SUGP2: variants seen among roughly 807,000 people sequenced by gnomAD.
SUGP2 encodes the protein SURP and G-patch domain containing 2, also known as SURP and G-patch domain-containing protein 2.
SUGP2 carries 24 observed loss-of-function variants against 90.5 expected under a neutral mutation model. That is an observed-to-expected ratio of 0.27 (90% CI 0.19 to 0.37). The LOEUF (loss-of-function observed/expected upper bound fraction) is 0.37. SUGP2 is among the 10% of genes least tolerant of loss of function. The pLI, the probability that SUGP2 is intolerant of heterozygous loss-of-function variation, is 1.00. For missense variants in SUGP2, 1,233 were observed against 1,363.3 expected, an observed-to-expected ratio of 0.90 and a Z score of 1.51; for synonymous variants, 473 against 513.4, an observed-to-expected ratio of 0.92 and a Z score of 1.06.
chr19:19,010,248 G>A lies in SUGP2; in HGVS notation c.1945C>T (p.Gln649Ter). 6.2e-7 allele frequency: 1 copy of A among 1,614,110 alleles called. No homozygotes were observed. ...GCACAGTCTGCTGAGGTCGGCTTCTGGTCGGCTCCTCGCAAGTTCTCGCTC... is the reference window on the plus strand; with the variant it reads ...GCACAGTCTGCTGAGGTCGGCTTCTAGTCGGCTCCTCGCAAGTTCTCGCTC... ...RMSENLRGAD[Q>*]KPTSADCAVR... The change falls in exon 5 of 11, where the codon CAG (glutamine) becomes TAG (stop). Residue 649 changes from glutamine (Q) to a stop codon, truncating the protein, a stop_gained. Transcript: ENST00000452918. LOFTEE classifies it high-confidence loss of function.
In SUGP2 at chr19:19,019,867, C is replaced by T. The variant is rs978485273; in HGVS notation, c.1730-638G>A. Among the ~76,000 whole-genome samples, 14 of 147,260 alleles carry T rather than the reference C, an allele frequency of 9.5e-5. No homozygotes were observed. The South Asian group carries it at 3.0e-3, about 32-fold the overall frequency. ...AAAAAAGAAAAAAAAAAAAGGTCAG[C>T]CGGGCACGGTGGCTCACACCTGTAA... is the stretch of plus-strand genomic sequence containing the variant. On this transcript the variant is annotated intron_variant, in intron 3 of 10. Coordinates refer to ENST00000452918, the MANE Select transcript of SUGP2 (RefSeq NM_001017392.5).
At chr19:18,998,577 T>C (rs2057702413) in intron 8 of SUGP2, among the ~76,000 whole-genome samples, 1 of 147,714 alleles carries the variant, frequency 6.8e-6, no homozygotes, top group Non-Finnish European at 1.5e-5. Flanking sequence ...ATAAAGTAGC[T>C]GTGTGTGTGT....
At chr19:19,022,975 G>C (rs1347407688) in intron 3 of SUGP2, among the ~76,000 whole-genome samples, 2 of 152,194 alleles carry the variant, frequency 1.3e-5, no homozygotes, top group East Asian at 3.8e-4. Flanking sequence ...TACCATGTGT[G>C]CTCGTGACCT....
intron 2 of SUGP2, among the ~76,000 whole-genome samples, chr19:19,027,508 A>G (rs1348535001): frequency 1.3e-5 from 2 of 152,276 alleles, no homozygotes; most frequent in Non-Finnish European, 2.9e-5. Flanking sequence ...AGAGCCAGAC[A>G]ATAAACAAAA....
chr19:19,026,888 G>A (rs1336602091), intron 2 of SUGP2, among the ~76,000 whole-genome samples: 1 of 152,124 alleles, frequency 6.6e-6, no homozygotes, highest in Non-Finnish European at 1.5e-5. Flanking sequence ...ACCACAGACC[G>A]AGGCAGGCAG....
intron 4 of SUGP2, among the ~76,000 whole-genome samples, chr19:19,013,022 C>T (rs1057225181): frequency 6.6e-6 from 1 of 152,162 alleles, no homozygotes; most frequent in East Asian, 1.9e-4. Context: ...CGCCACCACA[C>T]CCAGCTAATT....
intron 6 of SUGP2, among the ~76,000 whole-genome samples, chr19:19,006,703 C>T (rs1341996781): frequency 6.6e-6 from 1 of 152,182 alleles, no homozygotes; most frequent in Non-Finnish European, 1.5e-5. Flanking sequence ...ACAGGTCCGA[C>T]CCCGAGGTCT....
Position 19,025,406 on chromosome 19 carries a change from C to A in SUGP2, c.942G>T (p.Met314Ile). ...CAGACTTATCTATGATGTCAAAGCT[C>A]ATCTTTCTTCTGGGGAGCCGAAGAT... ...LKNLRLPRRK[M>I]SFDIIDKSDV... is the part of the protein sequence containing the mutation. Residue 314 changes from methionine to isoleucine, a missense_variant, in exon 3 of 11, where the codon ATG becomes ATT. This residue lies in a region of SUGP2 where 418 missense variants were observed against 399.9 expected (regional missense o/e 1.05). Coordinates refer to ENST00000452918, the MANE Select transcript of SUGP2 (RefSeq NM_001017392.5). 1 of 1,614,150 alleles carries A rather than the reference C, an allele frequency of 6.2e-7. No homozygotes were observed. Among genetic ancestry groups the A allele is most frequent in the Non-Finnish European group, 8.5e-7 (1 of 1,180,028 alleles).
intron 3 of SUGP2, among the ~76,000 whole-genome samples, chr19:19,023,855 C>G (rs1292637824): frequency 6.6e-6 from 1 of 152,056 alleles, no homozygotes; most frequent in East Asian, 1.9e-4. Flanking sequence ...GGTCATGCCA[C>G]TGCACTCCAG....
Position 19,010,128 on chromosome 19 carries a change from G to A in SUGP2, c.2065C>T (p.Arg689Trp), listed in dbSNP as rs145164796. The stretch of plus-strand genomic sequence containing the variant: ...GTCGCTCTCCTCGCCTTCCAGCCCC[G>A]GAGCCCTTGAGCACGGAGGAGCCCC... The part of the protein sequence containing the change: ...RRGLLRAQGL[R>W]GWKARRATTG... Residue 689 changes from arginine to tryptophan, a missense_variant, in exon 5 of 11, where the codon CGG becomes TGG. Transcript: ENST00000452918. 37 of 1,612,120 alleles carry A rather than the reference G, an allele frequency of 2.3e-5. No homozygotes were observed. Among genetic ancestry groups the A allele is most frequent in the African/African-American group, 1.2e-4 (9 of 74,822 alleles).
intron 3 of SUGP2, among the ~76,000 whole-genome samples, chr19:19,019,583 ATATC>A (rs1220025188): frequency 6.6e-6 from 1 of 152,170 alleles, no homozygotes; most frequent in African/African-American, 2.4e-5. Flanking sequence ...GAAAATATAA[ATATC>A]TAGTATAAAA....
chr19:19,031,442 G>A (rs1218187136), intron 1 of SUGP2, among the ~76,000 whole-genome samples: 1 of 151,846 alleles, frequency 6.6e-6, no homozygotes, highest in African/African-American at 2.4e-5. Context: ...GCTGTGGCAA[G>A]AGAATTGCTT....
At chr19:19,005,128 A>C (rs908698226) in intron 6 of SUGP2, among the ~76,000 whole-genome samples, 3 of 152,094 alleles carry the variant, frequency 2.0e-5, no homozygotes. Context: ...CCTCACCCCT[A>C]GCACTTCCCG....
chr19:19,008,515 A>G (rs1307211720), intron 5 of SUGP2, 87 bp from the exon 6 acceptor site: 19 of 1,063,436 alleles, frequency 1.8e-5, no homozygotes, highest in Non-Finnish European at 2.5e-5. Flanking sequence ...GCTGATTATA[A>G]AGATGGCCTG....
intron 4 of SUGP2, among the ~76,000 whole-genome samples, chr19:19,015,738 C>G (rs368751216): frequency 8.5e-4 from 129 of 152,304 alleles, no homozygotes; most frequent in Middle Eastern, 6.8e-3. Context: ...CTCCCAACCT[C>G]AAGTCATCTG....
At chr19:19,027,016 A>G (rs1316654047) in intron 2 of SUGP2, among the ~76,000 whole-genome samples, 1 of 152,206 alleles carries the variant, frequency 6.6e-6, no homozygotes, top group Non-Finnish European at 1.5e-5. Context: ...ACAGTGGCTC[A>G]AACCTATAAT....
Position 19,026,026 on chromosome 19 carries a change from C to T in SUGP2, c.322G>A (p.Gly108Ser), listed in dbSNP as rs781345402. 1 of 1,613,986 alleles carries T rather than the reference C, an allele frequency of 6.2e-7. No individual in the cohort carries two copies. The highest frequency in any genetic ancestry group is 1.3e-5 in the African/African-American group (1 of 74,884). Residue 108 changes from glycine (G) to serine (S), a missense_variant, in exon 3 of 11, where the codon GGC becomes AGC. Coordinates refer to ENST00000452918, the MANE Select transcript of SUGP2 (RefSeq NM_001017392.5). ...GAGTGAGAAAATTCCAGATCCCGGC[C>T]ACATTCTTTGCGAAAGTAGCTGTCA... ...SDDSYFRKEC[G>S]RDLEFSHSDS...
intron 9 of SUGP2, 59 bp from the exon 10 acceptor site, chr19:18,994,545 A>C (rs2057495957): frequency 6.3e-7 from 1 of 1,598,354 alleles, no homozygotes; most frequent in Admixed American, 1.7e-5. Flanking sequence ...GCATGCCAGG[A>C]ACTGGGCATG....
At chr19:19,018,155 A>G (rs538717073) in intron 4 of SUGP2, among the ~76,000 whole-genome samples, 3 of 152,140 alleles carry the variant, frequency 2.0e-5, no homozygotes, top group African/African-American at 4.8e-5. Flanking sequence ...AGCCCTGTGG[A>G]CAGAACTGGC....
Sources: gnomAD v4.1 joint callset for allele counts (sites outside exome capture counted in the v4.1 genomes callset) on GRCh38, gnomAD v4.1.1 for gene constraint, gnomAD v4.1.1 regional missense constraint, MANE v1.5 for transcripts, NCBI Gene and HGNC (gene_info 2026-07-23, HGNC 2026-07-21) for gene names.